Variants in CSMD3 observed in about 807,000 individuals in gnomAD.
CSMD3 encodes the protein CUB and sushi domain-containing protein 3.
In CSMD3, 177 loss-of-function variants were observed where a neutral mutation model predicts 435.2. The ratio of observed to expected loss-of-function variants is 0.41; its 90% confidence interval spans 0.36 to 0.46. The LOEUF is 0.46. CSMD3 is among the 20% of genes least tolerant of loss of function. The pLI, the probability that CSMD3 is intolerant of heterozygous loss-of-function variation, is 0.34. For synonymous variants in CSMD3, 1,656 were observed against 1,520.5 expected, an observed-to-expected ratio of 1.09 and a Z score of -2.07; for missense variants, 4,265 against 4,504.6, an observed-to-expected ratio of 0.95 and a Z score of 1.52.
At chr8:112,592,777 T>C (rs2131375058) in intron 22 of CSMD3, among the ~76,000 whole-genome samples, 1 of 152,250 alleles carries the variant, frequency 6.6e-6, no homozygotes, top group South Asian at 2.1e-4. Flanking sequence ...ATGTTCTTAA[T>C]AAAAATAACT....
At chr8:112,849,741 T>C (rs1490713548) in intron 11 of CSMD3, among the ~76,000 whole-genome samples, 1 of 151,752 alleles carries the variant, frequency 6.6e-6, no homozygotes, top group African/African-American at 2.4e-5. Context: ...TCAGAGTTTT[T>C]TGGTGAGAAG....
At chr8:112,574,209 C>T (rs1322817075) in intron 23 of CSMD3, among the ~76,000 whole-genome samples, 1 of 151,950 alleles carries the variant, frequency 6.6e-6, no homozygotes, top group East Asian at 1.9e-4. Flanking sequence ...AAAAATGAAA[C>T]TGATAAGCTC....
At chr8:112,360,969 A>T (rs1187731319) in intron 38 of CSMD3, among the ~76,000 whole-genome samples, 2 of 152,032 alleles carry the variant, frequency 1.3e-5, no homozygotes, top group African/African-American at 2.4e-5. Flanking sequence ...ATTTACACAA[A>T]TAAATCTCCA....
intron 6 of CSMD3, among the ~76,000 whole-genome samples, chr8:112,985,039 A>G (rs540680481): frequency 9.0e-6 from 1 of 110,686 alleles, no homozygotes; most frequent in East Asian, 2.3e-4. Context: ...TAGATAGATA[A>G]TCTTCACCCA....
intron 6 of CSMD3, among the ~76,000 whole-genome samples, chr8:112,996,412 T>C (rs576869552): frequency 6.6e-6 from 1 of 151,822 alleles, no homozygotes; most frequent in South Asian, 2.1e-4. Flanking sequence ...TTTAATGAAG[T>C]CTGTTAAGAA....
chr8:112,454,366 C>T lies in CSMD3; in HGVS notation c.5395+18225G>A, dbSNP rs554390499. On this transcript the variant is annotated intron_variant, in intron 32 of 70. Transcript: ENST00000297405. ...AAAAAATATTCACAAACCGTGCATTCAGCAAAGATCTAACACTCATAATCT... is the reference window on the plus strand; with the variant it reads ...AAAAAATATTCACAAACCGTGCATTTAGCAAAGATCTAACACTCATAATCT... Among the ~76,000 whole-genome samples, 13 of 152,152 alleles carry T rather than the reference C, an allele frequency of 8.5e-5. No homozygotes were observed. The South Asian group carries it at 2.1e-3, about 24-fold the overall frequency.
At chr8:112,917,351 T>C (rs1003603135) in intron 10 of CSMD3, among the ~76,000 whole-genome samples, 1 of 152,002 alleles carries the variant, frequency 6.6e-6, no homozygotes, top group African/African-American at 2.4e-5. Flanking sequence ...AATAAGGGAA[T>C]ATTGAAATAG....
At chr8:113,058,971 T>C (rs79793222) in intron 5 of CSMD3, among the ~76,000 whole-genome samples, 1,531 of 152,180 alleles carry the variant, frequency 0.01, 20 homozygotes, top group African/African-American at 0.035. Context: ...CATCACACTA[T>C]AGCTAGCATG....
chr8:113,009,789 T>C (rs1188406016), intron 6 of CSMD3, among the ~76,000 whole-genome samples: 1 of 151,814 alleles, frequency 6.6e-6, no homozygotes, highest in Non-Finnish European at 1.5e-5. Context: ...ATAAGGGTCT[T>C]ATAATTCTTT....
Position 112,338,392 on chromosome 8 carries a change from A to G in CSMD3, c.6653-661T>C, listed in dbSNP as rs1168999797. On this transcript the variant is annotated intron_variant, in intron 42 of 70. Transcript: ENST00000297405. ...CCTGTTTGTATTATTATCATATCTC[A>G]AAGCCTTGGCTATTGCCTTTCACAG... is the stretch of plus-strand genomic sequence containing the variant. Among the ~76,000 whole-genome samples the G allele has an allele frequency of 2.6e-5, 4 of 152,190 alleles. No homozygotes were observed. The East Asian group carries it at 7.7e-4, about 29-fold the overall frequency.
chr8:112,592,531 T>A (rs949541495), intron 22 of CSMD3, among the ~76,000 whole-genome samples: 1 of 152,078 alleles, frequency 6.6e-6, no homozygotes, highest in Non-Finnish European at 1.5e-5. Flanking sequence ...TTTTCTATAA[T>A]CATTTTTTAC....
intron 5 of CSMD3, among the ~76,000 whole-genome samples, chr8:113,083,317 G>A (rs563821305): frequency 2.6e-5 from 4 of 152,028 alleles, no homozygotes; most frequent in South Asian, 2.1e-4. Context: ...CTTATAAGCC[G>A]GGAGAGAATG....
intron 13 of CSMD3, among the ~76,000 whole-genome samples, chr8:112,709,394 C>T (rs1011097133): frequency 2.0e-5 from 3 of 151,990 alleles, no homozygotes; most frequent in Non-Finnish European, 4.4e-5. Flanking sequence ...GACTTGTTTC[C>T]TTAGGACACG....
intron 1 of CSMD3, among the ~76,000 whole-genome samples, chr8:113,373,761 AGTT>A (rs1057317058): frequency 2.6e-5 from 4 of 152,126 alleles, no homozygotes; most frequent in African/African-American, 9.6e-5. Context: ...CATCACATGA[AGTT>A]GCTAAAAGAG....
chr8:112,857,119 C>T (rs987111965), intron 11 of CSMD3, among the ~76,000 whole-genome samples: 4 of 151,298 alleles, frequency 2.6e-5, no homozygotes, highest in African/African-American at 9.7e-5. Flanking sequence ...TGTGTTTGAA[C>T]TAGGTCACAA....
chr8:112,844,572 A>C (rs2080265908), intron 11 of CSMD3, among the ~76,000 whole-genome samples: 1 of 151,974 alleles, frequency 6.6e-6, no homozygotes, highest in Non-Finnish European at 1.5e-5. Flanking sequence ...CACTTCCCCC[A>C]ACCTGCTTCC....
intron 70 of CSMD3, among the ~76,000 whole-genome samples, chr8:112,225,541 G>A (rs1344985765): frequency 9.2e-5 from 14 of 152,196 alleles, no homozygotes; most frequent in Non-Finnish European, 1.5e-5. Context: ...GCATCTTTTA[G>A]GAGGTAACAT....
chr8:113,398,835 C>T (rs2094495653), intron 1 of CSMD3, among the ~76,000 whole-genome samples: 1 of 151,534 alleles, frequency 6.6e-6, no homozygotes, highest in African/African-American at 2.4e-5. Context: ...TTTTCTGATC[C>T]TAAAAGAATT....
At chr8:113,036,382 C>A (rs1352860575) in intron 5 of CSMD3, among the ~76,000 whole-genome samples, 1 of 151,938 alleles carries the variant, frequency 6.6e-6, no homozygotes, top group Non-Finnish European at 1.5e-5. Context: ...ACCTTCATCA[C>A]TAAATAAAAC....
Sources: gnomAD v4.1 joint callset for allele counts (sites outside exome capture counted in the v4.1 genomes callset) on GRCh38, gnomAD v4.1.1 for gene constraint, MANE v1.5 for transcripts, NCBI Gene and HGNC (gene_info 2026-07-23, HGNC 2026-07-21) for gene names.